GALNTL6: variants seen among roughly 807,000 people sequenced by gnomAD.
The protein encoded by GALNTL6 is polypeptide N-acetylgalactosaminyltransferase like 6, also known as polypeptide N-acetylgalactosaminyltransferase-like 6.
Under a neutral mutation model 73.7 loss-of-function variants are expected in GALNTL6, and 46 were observed. The ratio of observed to expected loss-of-function variants is 0.62; its 90% CI spans 0.49 to 0.80. GALNTL6 has a LOEUF of 0.80. Ranked by LOEUF, GALNTL6 falls within the 30% of genes least tolerant of loss-of-function variation. The probability of loss-of-function intolerance (pLI) is 0.00; values close to 1 mark genes in which losing one functional copy is unlikely to be tolerated. For synonymous variants in GALNTL6, 259 were observed against 263.7 expected, an observed-to-expected ratio of 0.98 and a Z score of 0.17; for missense variants, 604 against 755.0, an observed-to-expected ratio of 0.80 and a Z score of 2.34.
At chr4:172,164,603 A>G (rs1408361923) in intron 2 of GALNTL6, among the ~76,000 whole-genome samples, 1 of 152,006 alleles carries the variant, frequency 6.6e-6, no homozygotes, top group Non-Finnish European at 1.5e-5. Flanking sequence ...CCTTATTACT[A>G]TACTAATAAT....
chr4:172,431,769 A>T (rs1283141833), intron 5 of GALNTL6, among the ~76,000 whole-genome samples: 1 of 152,186 alleles, frequency 6.6e-6, no homozygotes, highest in Admixed American at 6.5e-5. Flanking sequence ...AAAATGGAAA[A>T]GTCAGTATTT....
intron 5 of GALNTL6, among the ~76,000 whole-genome samples, chr4:172,696,049 C>T (rs1169773941): frequency 6.6e-6 from 1 of 152,042 alleles, no homozygotes; most frequent in East Asian, 1.9e-4. Flanking sequence ...CTCATCTAAA[C>T]AATTTATTAT....
At chr4:172,014,441 TAA>T (rs1282479538) in intron 2 of GALNTL6, among the ~76,000 whole-genome samples, 16 of 152,048 alleles carry the variant, frequency 1.1e-4, no homozygotes, top group Non-Finnish European at 1.5e-5. Context: ...ACATGTCACT[TAA>T]GTTTTGATTT....
intron 2 of GALNTL6, among the ~76,000 whole-genome samples, chr4:172,107,747 A>G (rs1732722903): frequency 6.6e-6 from 1 of 151,796 alleles, no homozygotes; most frequent in African/African-American, 2.4e-5. Context: ...TAATGGGTGC[A>G]GCACACCAAC....
At chr4:172,533,316 ATTTTTTTTTT>A (rs34973148) in intron 5 of GALNTL6, among the ~76,000 whole-genome samples, 1 of 77,394 alleles carries the variant, frequency 1.3e-5, no homozygotes, top group Non-Finnish European at 2.2e-5. Context: ...CCCGGCCAGA[ATTTTTTTTTT>A]TTTTTTTTTT....
chr4:172,388,393 C>T (rs1199723591), intron 5 of GALNTL6, among the ~76,000 whole-genome samples: 1 of 152,084 alleles, frequency 6.6e-6, no homozygotes, highest in Non-Finnish European at 1.5e-5. Flanking sequence ...TGCTAATCTT[C>T]ATTTTGGTGG....
At chr4:172,582,537 T>A (rs1338302119) in intron 5 of GALNTL6, among the ~76,000 whole-genome samples, 1 of 152,204 alleles carries the variant, frequency 6.6e-6, no homozygotes, top group Non-Finnish European at 1.5e-5. Context: ...TAAAGCTGAC[T>A]GTAATTACTC....
intron 2 of GALNTL6, among the ~76,000 whole-genome samples, chr4:172,229,177 C>CA (rs1231396498): frequency 6.6e-6 from 1 of 152,158 alleles, no homozygotes; most frequent in Non-Finnish European, 1.5e-5. Context: ...CTTCTATACA[C>CA]AGAGTATTTA....
At chr4:172,059,074 G>GTCTA (rs1731114934) in intron 2 of GALNTL6, among the ~76,000 whole-genome samples, 1 of 152,186 alleles carries the variant, frequency 6.6e-6, no homozygotes, top group Non-Finnish European at 1.5e-5. Flanking sequence ...AAAGAAGTGT[G>GTCTA]TCTATCTACC....
In GALNTL6 at chr4:172,235,276, C is replaced by T. The variant is rs549975889; in HGVS notation, c.247+5512C>T. 4.6e-5 allele frequency among the ~76,000 whole-genome samples: 7 copies of T among 151,382 alleles called. No individual in the cohort carries two copies. The South Asian group carries it at 1.5e-3, about 32-fold the overall frequency. On this transcript the variant is annotated intron_variant, in intron 3 of 12. Coordinates refer to ENST00000506823, the MANE Select transcript of GALNTL6 (RefSeq NM_001034845.3). ...AGGCTGGAGTGCAGTGGTGTGATCT[C>T]GGCTCACTGCAACCTTCACCTGCCG... is the stretch of plus-strand genomic sequence containing the variant.
chr4:171,997,032 G>A (rs188090848), intron 2 of GALNTL6, among the ~76,000 whole-genome samples: 1 of 152,242 alleles, frequency 6.6e-6, no homozygotes, highest in East Asian at 1.9e-4. Flanking sequence ...TGGAATTGGG[G>A]CAGGCAACAG....
intron 7 of GALNTL6, among the ~76,000 whole-genome samples, chr4:172,827,227 T>G (rs369356852): frequency 6.6e-6 from 1 of 152,106 alleles, no homozygotes; most frequent in South Asian, 2.1e-4. Context: ...CTAGCTTTGG[T>G]TTGTTCAGCC....
chr4:172,152,951 A>G (rs978960771), intron 2 of GALNTL6, among the ~76,000 whole-genome samples: 9 of 152,198 alleles, frequency 5.9e-5, no homozygotes, highest in African/African-American at 2.2e-4. Context: ...GAAGCAGTCA[A>G]ATGATTACTT....
At chr4:172,514,605 C>T (rs1368921290) in intron 5 of GALNTL6, among the ~76,000 whole-genome samples, 1 of 152,176 alleles carries the variant, frequency 6.6e-6, no homozygotes, top group Non-Finnish European at 1.5e-5. Context: ...CCCCCAGATT[C>T]TGCCCTGAAA....
intron 5 of GALNTL6, among the ~76,000 whole-genome samples, chr4:172,635,005 A>C (rs930585784): frequency 2.0e-5 from 3 of 152,160 alleles, no homozygotes; most frequent in Non-Finnish European, 4.4e-5. Context: ...TTTAGTTTTT[A>C]CAAGAGGAAT....
chr4:172,264,186 A>T (rs1023368806), intron 3 of GALNTL6, among the ~76,000 whole-genome samples: 28 of 151,626 alleles, frequency 1.8e-4, no homozygotes. Flanking sequence ...TCCAAGAATA[A>T]GACCAACAAA....
intron 5 of GALNTL6, among the ~76,000 whole-genome samples, chr4:172,755,855 A>G (rs1737720360): frequency 6.6e-6 from 1 of 152,180 alleles, no homozygotes; most frequent in Non-Finnish European, 1.5e-5. Context: ...TGAATTCACC[A>G]TATTCATTAT....
chr4:172,301,354 T>G (rs1739912224), intron 3 of GALNTL6, among the ~76,000 whole-genome samples: 1 of 152,212 alleles, frequency 6.6e-6, no homozygotes, highest in South Asian at 2.1e-4. Flanking sequence ...GTCTGAAGCC[T>G]TCTTCTCTCA....
At chr4:172,518,668 C>G (rs562386146) in intron 5 of GALNTL6, among the ~76,000 whole-genome samples, 2 of 152,022 alleles carry the variant, frequency 1.3e-5, no homozygotes, top group African/African-American at 4.8e-5. Context: ...CTCATTATAA[C>G]TTCTTAATCG....
Sources: allele counts gnomAD v4.1 joint callset (sites outside exome capture counted in the v4.1 genomes callset), GRCh38; gene constraint gnomAD v4.1.1; transcripts MANE v1.5; gene names NCBI Gene and HGNC (gene_info 2026-07-23, HGNC 2026-07-21).